DNAH17: variants seen among roughly 807,000 people sequenced by gnomAD.
DNAH17 encodes dynein axonemal heavy chain 17.
Under a neutral mutation model 485.6 loss-of-function variants are expected in DNAH17, and 376 were observed. The ratio of observed to expected loss-of-function variants is 0.77; its 90% CI spans 0.71 to 0.84. The LOEUF (loss-of-function observed/expected upper bound fraction) is 0.84. DNAH17 is among the 40% of genes least tolerant of loss of function. The probability of loss-of-function intolerance (pLI) is 0.00; values close to 1 mark genes in which losing one functional copy is unlikely to be tolerated. For synonymous variants in DNAH17, 3,031 were observed against 2,405.9 expected, an observed-to-expected ratio of 1.26 and a Z score of -7.60; for missense variants, 6,370 against 5,839.3, an observed-to-expected ratio of 1.09 and a Z score of -2.96.
intron 25 of DNAH17, among the ~76,000 whole-genome samples, 161 bp downstream of exon 25, chr17:78,524,848 A>AC (rs892040514): frequency 7.2e-5 from 11 of 152,274 alleles, no homozygotes; most frequent in African/African-American, 2.4e-4. Context: ...GAGGGACCCC[A>AC]CCTCGCGATC....
chr17:78,515,326 T>G (rs1320110905), intron 25 of DNAH17, among the ~76,000 whole-genome samples: 4 of 152,118 alleles, frequency 2.6e-5, no homozygotes, highest in Admixed American at 2.0e-4. Flanking sequence ...CTGACCAACA[T>G]GGTGAAACCC....
rs776273069 is a variant in DNAH17 at position 78,459,068 on chromosome 17, A to T, written c.9794T>A (p.Leu3265Gln). 6.2e-7 allele frequency: 1 copy of T among 1,614,016 alleles called. No homozygotes were observed. The highest frequency in any genetic ancestry group is 1.1e-5 in the South Asian group (1 of 91,088). Reference sequence around the variant, plus strand: ...TGCCAGCTCTGCATTAGCCTCCTCCAGTGCCTGCCTCTTGGGCGCCACGTC... The same window carrying T: ...TGCCAGCTCTGCATTAGCCTCCTCCTGTGCCTGCCTCTTGGGCGCCACGTC... ...YCDVAPKRQA[L>Q]EEANAELAEA... The change falls in exon 61 of 81, where the codon CTG becomes CAG. Residue 3265 changes from leucine to glutamine, a missense_variant. Coordinates refer to ENST00000389840, the MANE Select transcript of DNAH17 (RefSeq NM_173628.4).
chr17:78,510,753 C>CCCCCT (rs2090614873), intron 26 of DNAH17: 1 of 422,112 alleles, frequency 2.4e-6, no homozygotes. Flanking sequence ...GAATTGCGGC[C>CCCCCT]CCCCCGCAAA....
chr17:78,425,866 A>G (rs1411941756), intron 79 of DNAH17, among the ~76,000 whole-genome samples: 3 of 150,114 alleles, frequency 2.0e-5, no homozygotes, highest in Non-Finnish European at 4.4e-5. Context: ...CCCGGGTTCA[A>G]GCAATTCTCC....
At position 78,473,699 on chromosome 17, in the gene DNAH17, C is replaced by T. The variant is rs374503078; in HGVS notation, c.8511+1579G>A. On this transcript the variant is annotated intron_variant, in intron 54 of 80. Transcript: ENST00000389840. The stretch of plus-strand genomic sequence containing the variant: ...GGCTGAGGCTGAGGCTGAGCACCCA[C>T]AATCAGCCCCAACAGGAAGGATCAG... Among the ~76,000 whole-genome samples, 60 of 152,200 alleles carry T rather than the reference C, an allele frequency of 3.9e-4. No individual in the cohort carries two copies. The East Asian group carries it at 7.5e-3, about 19-fold the overall frequency.
At chr17:78,561,599 G>A (rs964870541) in intron 12 of DNAH17, 116 bp downstream of exon 12, 89 of 1,277,064 alleles carry the variant, frequency 7.0e-5, no homozygotes, top group Non-Finnish European at 9.1e-5. Flanking sequence ...TTTTGCTCTG[G>A]GAGGTAACAG....
At position 78,426,465 on chromosome 17, in the gene DNAH17, G is replaced by A. The variant is rs570966741; in HGVS notation, c.12907C>T (p.Arg4303Cys). ...LAAWYADLLL[R>C]IRELEAWTTD... ...GAGAAAACGGCACTTACCCTGATGC[G>A]GAGCAGCAGGTCTGCGTACCAGGCC... Residue 4303 changes from arginine (R) to cysteine (C), a missense_variant, in exon 79 of 81, where the codon CGC becomes TGC. Transcript: ENST00000389840. 64 of 1,601,476 alleles carry A rather than the reference G, an allele frequency of 4.0e-5. No individual in the cohort carries two copies. The highest frequency in any genetic ancestry group is 4.7e-5 in the Non-Finnish European group (55 of 1,174,882).
Position 78,507,616 on chromosome 17 carries a change from G to A in DNAH17, c.4426C>T (p.Gln1476Ter). ...GAGTCCGCCGTGGACAGCTTCTGCTGCCAGCTTGTCACCTCCTTCAGGAAG... is the reference window on the plus strand; with the variant it reads ...GAGTCCGCCGTGGACAGCTTCTGCTACCAGCTTGTCACCTCCTTCAGGAAG... ...AHFLKEVTSW[Q>*]QKLSTADSVI... is the part of the protein sequence containing the mutation. Residue 1476 changes from glutamine to a stop codon, truncating the protein, a stop_gained, in exon 28 of 81, where the codon CAG becomes TAG. Transcript: ENST00000389840. LOFTEE classifies it high-confidence loss of function. 5 of 1,614,140 alleles carry A rather than the reference G, an allele frequency of 3.1e-6. No homozygotes were observed. Among genetic ancestry groups the A allele is most frequent in the Non-Finnish European group, 4.2e-6 (5 of 1,180,024 alleles).
rs16966829 is a variant in DNAH17 at position 78,476,904 on chromosome 17, A to C, written c.7993-171T>G. 0.04 allele frequency among the ~76,000 whole-genome samples: 6,093 copies of C among 152,202 alleles called. 387 individuals are homozygous for C. Among genetic ancestry groups the C allele is most frequent in the African/African-American group, 0.14 (5,638 of 41,502 alleles). On this transcript the variant is annotated intron_variant, in intron 51 of 80. Coordinates refer to ENST00000389840, the MANE Select transcript of DNAH17 (RefSeq NM_173628.4). ...GAAGCCACTCATCACGGAGGTCCCA[A>C]AAATCCCGGATGCCAGTGTGTGTGT...
chr17:78,574,309 G>T (rs966659384), intron 2 of DNAH17, among the ~76,000 whole-genome samples: 1 of 152,044 alleles, frequency 6.6e-6, no homozygotes, highest in Non-Finnish European at 1.5e-5. Flanking sequence ...TGGGCAACAG[G>T]CTATTTTTTG....
Position 78,437,403 on chromosome 17 carries a change from G to A in DNAH17, c.12033+238C>T, listed in dbSNP as rs183223864. On this transcript the variant is annotated intron_variant, in intron 74 of 80. Transcript: ENST00000389840. ...TCATAGAACTGATTAAAAACTATGTGTTTCTGCATCTACAGCTTTAAGTAA... is the reference window on the plus strand; with the variant it reads ...TCATAGAACTGATTAAAAACTATGTATTTCTGCATCTACAGCTTTAAGTAA... Among the ~76,000 whole-genome samples the A allele has an allele frequency of 3.2e-4, 49 of 152,334 alleles. No homozygotes were observed. In the East Asian group the frequency reaches 9.2e-3, roughly 29 times the overall value.
At chr17:78,466,908 C>T (rs927837429) in intron 55 of DNAH17, 92 bp from the exon 56 acceptor site, 10 of 1,372,156 alleles carry the variant, frequency 7.3e-6, no homozygotes, top group East Asian at 5.6e-5. Context: ...CAGAAAGCAA[C>T]GCGCCCTGCC....
intron 48 of DNAH17, among the ~76,000 whole-genome samples, chr17:78,482,126 G>A (rs1055877505): frequency 7.4e-6 from 1 of 134,434 alleles, no homozygotes; most frequent in Non-Finnish European, 1.5e-5. Context: ...CACCCCGGCT[G>A]GAGTGCAGTG....
intron 64 of DNAH17, among the ~76,000 whole-genome samples, chr17:78,453,804 C>A (rs183224848): frequency 1.4e-3 from 215 of 152,340 alleles, no homozygotes; most frequent in African/African-American, 4.9e-3. Flanking sequence ...CCTCCCATCG[C>A]AGCCTCCTGA....
At chr17:78,541,300 T>TGGGG (rs2091577157) in intron 17 of DNAH17, among the ~76,000 whole-genome samples, 1 of 17,064 alleles carries the variant, frequency 5.9e-5, no homozygotes, top group Non-Finnish European at 1.1e-4. Flanking sequence ...GTGGGTGGGG[T>TGGGG]GGGTGGGTGA....
In DNAH17 at chr17:78,572,767, C is replaced by T; in HGVS notation, c.473G>A (p.Gly158Asp). ...EMFVMSGKIK[G>D]KTLLPIPEHL... is the part of the protein sequence containing the mutation. ...CTCCGGAATAGGCAGCAAGGTTTTG[C>T]CTTTGATCTTGCCACTCATCACAAA... The change falls in exon 3 of 81, where the codon GGC becomes GAC. Residue 158 changes from glycine to aspartate, a missense_variant. Coordinates refer to ENST00000389840, the MANE Select transcript of DNAH17 (RefSeq NM_173628.4). The T allele has an allele frequency of 6.2e-7, 1 of 1,613,486 alleles. No homozygotes were observed. Among genetic ancestry groups the T allele is most frequent in the East Asian group, 2.2e-5 (1 of 44,872 alleles).
At chr17:78,544,979 C>T (rs888056631) in intron 16 of DNAH17, among the ~76,000 whole-genome samples, 1 of 152,022 alleles carries the variant, frequency 6.6e-6, no homozygotes, top group African/African-American at 2.4e-5. Context: ...TTGGCCATAT[C>T]TCCCTATCCT....
chr17:78,555,258 T>C (rs969449606), intron 14 of DNAH17, among the ~76,000 whole-genome samples: 1 of 151,516 alleles, frequency 6.6e-6, no homozygotes, highest in Non-Finnish European at 1.5e-5. Flanking sequence ...TGTTAAACAA[T>C]GACAAGGACA....
At chr17:78,424,309 T>TCACCTACGAAGGCC in intron 80 of DNAH17, 156 bp from the exon 81 acceptor site, 2 of 900,082 alleles carry the variant, frequency 2.2e-6, no homozygotes, top group Non-Finnish European at 3.3e-6. Context: ...AGCAGAGGCC[T>TCACCTACGAAGGCC]TCGTAGGTGA....
Sources: allele counts gnomAD v4.1 joint callset (sites outside exome capture counted in the v4.1 genomes callset), GRCh38; gene constraint gnomAD v4.1.1; transcripts MANE v1.5; gene names NCBI Gene and HGNC (gene_info 2026-07-23, HGNC 2026-07-21).